The following WDPCP variants were observed in gnomAD, a reference collection of about 807,000 sequenced individuals.
WDPCP encodes the protein WD repeat-containing and planar cell polarity effector protein fritz homolog.
A neutral mutation model predicts 93.1 loss-of-function variants in WDPCP; 71 were observed. That is an observed-to-expected ratio of 0.76 (90% CI 0.63 to 0.93). The LOEUF is 0.93. Among genes scored for constraint, WDPCP ranks in the 40% least tolerant of loss-of-function variants. WDPCP has a pLI of 0.00. For synonymous variants in WDPCP, 315 were observed against 315.0 expected, an observed-to-expected ratio of 1.00 and a Z score of 0.00; for missense variants, 844 against 887.4, an observed-to-expected ratio of 0.95 and a Z score of 0.62.
chr2:63,451,834 C>G (rs1186274639), intron 6 of WDPCP, among the ~76,000 whole-genome samples: 2 of 152,094 alleles, frequency 1.3e-5, no homozygotes, highest in African/African-American at 4.8e-5. Context: ...ACAGAACCAA[C>G]GACAAAAACC....
intron 8 of WDPCP, among the ~76,000 whole-genome samples, chr2:63,435,729 A>G (rs1697093893): frequency 6.6e-6 from 1 of 152,162 alleles, no homozygotes; most frequent in Admixed American, 6.5e-5. Flanking sequence ...ATATCCTTCC[A>G]ATGGACAAAT....
intron 10 of WDPCP, among the ~76,000 whole-genome samples, chr2:63,383,035 A>G (rs1417086411): frequency 6.6e-6 from 1 of 152,104 alleles, no homozygotes; most frequent in East Asian, 1.9e-4. Flanking sequence ...CCTATACCCT[A>G]TGTAATACTT....
intron 10 of WDPCP, among the ~76,000 whole-genome samples, chr2:63,394,539 A>G (rs1575318476): frequency 6.6e-6 from 1 of 152,186 alleles, no homozygotes; most frequent in East Asian, 1.9e-4. Context: ...ATTACTGGGT[A>G]TATACTCAAA....
intron 13 of WDPCP, among the ~76,000 whole-genome samples, chr2:63,309,636 A>G (rs1686026356): frequency 6.6e-6 from 1 of 152,206 alleles, no homozygotes; most frequent in African/African-American, 2.4e-5. Flanking sequence ...AGTTGTACAA[A>G]TACAAAATAT....
chr2:63,625,548 A>C (rs979491213), intron 3 of WDPCP, among the ~76,000 whole-genome samples: 1 of 152,244 alleles, frequency 6.6e-6, no homozygotes, highest in African/African-American at 2.4e-5. Context: ...ACAAACAGAG[A>C]GCCAAATCAT....
chr2:63,289,480 T>C (rs186563442), intron 13 of WDPCP, among the ~76,000 whole-genome samples: 6 of 152,194 alleles, frequency 3.9e-5, no homozygotes, highest in African/African-American at 1.2e-4. Flanking sequence ...TTACTTTGTA[T>C]TTGGGAACTT....
intron 12 of WDPCP, among the ~76,000 whole-genome samples, chr2:63,372,278 A>G (rs1318206367): frequency 6.6e-6 from 1 of 151,092 alleles, no homozygotes; most frequent in Non-Finnish European, 1.5e-5. Flanking sequence ...TAAATAATCC[A>G]CCCCCATGAT....
intron 3 of WDPCP, among the ~76,000 whole-genome samples, chr2:63,615,313 G>A (rs1346932067): frequency 6.6e-6 from 1 of 152,182 alleles, no homozygotes; most frequent in Non-Finnish European, 1.5e-5. Context: ...ATGGGGAGAT[G>A]CCTGCAGCCG....
At chr2:63,642,521 T>G (rs1484582984) in intron 3 of WDPCP, 1 of 151,594 alleles carries the variant, frequency 6.6e-6, no homozygotes, top group Non-Finnish European at 1.5e-5. Flanking sequence ...GATCTTTCAC[T>G]TCTTTGGAAA....
At chr2:63,269,452 A>T (rs1387308253) in intron 13 of WDPCP, among the ~76,000 whole-genome samples, 1 of 152,190 alleles carries the variant, frequency 6.6e-6, no homozygotes, top group Non-Finnish European at 1.5e-5. Context: ...AGATCTAAAT[A>T]AAAAACTTGC....
chr2:63,799,720 G>A (rs186041655), intron 2 of WDPCP, among the ~76,000 whole-genome samples: 17 of 152,180 alleles, frequency 1.1e-4, no homozygotes, highest in Non-Finnish European at 2.1e-4. Context: ...TTTAGCTTGA[G>A]TTCCTGTTAA....
chr2:63,515,079 TAATA>T lies in WDPCP; in HGVS notation c.76-22143_76-22140del, dbSNP rs564043171. On this transcript the variant is annotated intron_variant, in intron 1 of 17. Transcript: ENST00000272321. Reference sequence around the variant, plus strand: ...GACAGTTTGCCATTTTTTCAATAGGTAATAAATACTGTTTGTCAGTTATTTTCTA... The same window carrying T: ...GACAGTTTGCCATTTTTTCAATAGGTAATACTGTTTGTCAGTTATTTTCTA... Among the ~76,000 whole-genome samples the T allele has an allele frequency of 1.3e-3, 203 of 152,274 alleles. 2 individuals carry two copies. The highest frequency in any genetic ancestry group is 4.4e-3 in the African/African-American group (183 of 41,528).
Position 63,223,886 on chromosome 2 carries a change from G to A in WDPCP, c.1915+35421C>T, listed in dbSNP as rs577476436. On this transcript the variant is annotated intron_variant, in intron 14 of 17. Coordinates refer to ENST00000272321, the MANE Select transcript of WDPCP (RefSeq NM_015910.7). ...GTGTGTTTCTGGCTTATTTGCTTCC[G>A]TTGGTCTGTTTGTCTATTCTTGCAT... Among the ~76,000 whole-genome samples the A allele has an allele frequency of 2.6e-4, 40 of 152,086 alleles. No individual in the cohort carries two copies. The East Asian group carries it at 2.9e-3, about 11-fold the overall frequency.
At chr2:63,142,266 TGCTTAGG>T (rs1671116819) in intron 17 of WDPCP, among the ~76,000 whole-genome samples, 1 of 152,166 alleles carries the variant, frequency 6.6e-6, no homozygotes, top group African/African-American at 2.4e-5. Context: ...TTGATGTAGG[TGCTTAGG>T]GCTATGAACT....
chr2:63,728,282 C>T (rs991709930), intron 2 of WDPCP, among the ~76,000 whole-genome samples: 1 of 152,238 alleles, frequency 6.6e-6, no homozygotes, highest in African/African-American at 2.4e-5. Context: ...CTTTCAGAAA[C>T]TGGACCCACA....
chr2:63,352,880 A>G (rs1291468409), intron 12 of WDPCP, among the ~76,000 whole-genome samples: 3 of 152,208 alleles, frequency 2.0e-5, no homozygotes, highest in Non-Finnish European at 4.4e-5. Context: ...GACTCCTGCT[A>G]TGTCCTATTG....
chr2:63,785,324 T>G (rs1670451685), intron 2 of WDPCP, among the ~76,000 whole-genome samples: 1 of 152,190 alleles, frequency 6.6e-6, no homozygotes, highest in Non-Finnish European at 1.5e-5. Flanking sequence ...GCTGGCTACT[T>G]AGCATGAATT....
At chr2:63,495,230 A>T (rs1460646979) in intron 1 of WDPCP, among the ~76,000 whole-genome samples, 3 of 152,140 alleles carry the variant, frequency 2.0e-5, no homozygotes, top group Non-Finnish European at 4.4e-5. Context: ...CATTATCAGC[A>T]AGCAGTAGAG....
At chr2:63,806,842 C>T (rs13399342) in intron 2 of WDPCP, among the ~76,000 whole-genome samples, 162 of 152,300 alleles carry the variant, frequency 1.1e-3, no homozygotes, top group Middle Eastern at 0.01. Context: ...TCTCTTATTC[C>T]CTGAACAATT....
Sources: gnomAD v4.1 joint callset for allele counts (sites outside exome capture counted in the v4.1 genomes callset) on GRCh38, gnomAD v4.1.1 for gene constraint, MANE v1.5 for transcripts, NCBI Gene and HGNC (gene_info 2026-07-23, HGNC 2026-07-21) for gene names.